The following SLC15A4 variants were observed in gnomAD, a reference collection of about 807,000 sequenced individuals.
The protein encoded by SLC15A4 is hPHT1.
A neutral mutation model predicts 46.1 loss-of-function variants in SLC15A4; 26 were observed. The observed-to-expected ratio is 0.56, with a 90% CI of 0.41 to 0.78. SLC15A4 has a LOEUF of 0.78. Among genes scored for constraint, SLC15A4 ranks in the 30% least tolerant of loss-of-function variants. SLC15A4 has a pLI of 0.00. For missense variants in SLC15A4, 751 were observed against 755.7 expected, an observed-to-expected ratio of 0.99 and a Z score of 0.07; for synonymous variants, 370 against 333.4, an observed-to-expected ratio of 1.11 and a Z score of -1.20.
At position 128,815,060 on chromosome 12, in the gene SLC15A4, C is replaced by G. The variant is rs1332845675; in HGVS notation, c.557G>C (p.Arg186Pro). Reference protein sequence around the residue: ...TPFGADQVKDRGPEATRRFFN... With the variant: ...TPFGADQVKDPGPEATRRFFN... Reference sequence around the variant, plus strand: ...AAATCTCCTAGTGGCTTCCGGACCTCGATCTTTAACCTAAAATAACAGGGA... The same window carrying G: ...AAATCTCCTAGTGGCTTCCGGACCTGGATCTTTAACCTAAAATAACAGGGA... The change falls in exon 2 of 8, where the codon CGA becomes CCA. Residue 186 changes from arginine (R) to proline (P), a missense_variant. Transcript: ENST00000266771. 5 of 1,606,266 alleles carry G rather than the reference C, an allele frequency of 3.1e-6. No homozygotes were observed. Among genetic ancestry groups the G allele is most frequent in the Non-Finnish European group, 4.3e-6 (5 of 1,173,614 alleles).
intron 5 of SLC15A4, among the ~76,000 whole-genome samples, chr12:128,805,657 G>A (rs545631565): frequency 7.7e-4 from 117 of 152,120 alleles, no homozygotes; most frequent in African/African-American, 2.2e-3. Context: ...CTCAGCCTCC[G>A]AGTAGCTGGG....
In SLC15A4 at chr12:128,794,219, C is replaced by T. The variant is rs1429460020; in HGVS notation, c.1711G>A (p.Val571Met). The T allele has an allele frequency of 6.2e-6, 10 of 1,612,348 alleles. No homozygotes were observed. The highest frequency in any genetic ancestry group is 2.2e-5 in the South Asian group (2 of 90,968). The change falls in exon 8 of 8, where the codon GTG becomes ATG. Residue 571 changes from valine to methionine, a missense_variant. By Grantham distance (21) the Val-to-Met change is conservative. Coordinates refer to ENST00000266771, the MANE Select transcript of SLC15A4 (RefSeq NM_145648.4). ...GGTCAGGCCCTCCTGCTGGTGGGCA[C>T]GCCATTGGCTCTTGATCGCTGATGG... ...RDHQRSRANG[V>M]PTSRRA
intron 5 of SLC15A4, among the ~76,000 whole-genome samples, chr12:128,805,435 G>GA: frequency 1.3e-5 from 2 of 152,254 alleles, no homozygotes; most frequent in African/African-American, 4.8e-5. Context: ...ATGAGGAACT[G>GA]AAAATACATA....
intron 1 of SLC15A4, among the ~76,000 whole-genome samples, chr12:128,822,424 C>T (rs1173148925): frequency 1.3e-5 from 2 of 152,254 alleles, no homozygotes; most frequent in African/African-American, 2.4e-5. Flanking sequence ...CTTCCTGGCC[C>T]AGGGCCCTGC....
chr12:128,801,674 C>T (rs988918455), intron 5 of SLC15A4: 1 of 152,174 alleles, frequency 6.6e-6, no homozygotes, highest in African/African-American at 2.4e-5. Flanking sequence ...AGCTCCTACT[C>T]TATAAACAAA....
At chr12:128,795,603 A>T (rs1955434245) in intron 7 of SLC15A4, among the ~76,000 whole-genome samples, 1 of 152,208 alleles carries the variant, frequency 6.6e-6, no homozygotes, top group Admixed American at 6.5e-5. Flanking sequence ...CACGGTCATG[A>T]TCCCCCTTTC....
rs1470186640 is a variant in SLC15A4, at chr12:128,793,999, C to A, written c.*197G>T. The stretch of plus-strand genomic sequence containing the variant: ...GCAGCTCTCCTCCCGGAGGGCCCAG[C>A]GTGCCAGGAGACACGCTGCAGTAAG... On this transcript the variant is annotated 3_prime_UTR_variant, in exon 8 of 8. Coordinates refer to ENST00000266771, the MANE Select transcript of SLC15A4 (RefSeq NM_145648.4). The A allele has an allele frequency of 2.3e-6, 1 of 439,426 alleles. No homozygotes were observed. Among genetic ancestry groups the A allele is most frequent in the Non-Finnish European group, 4.0e-6 (1 of 250,482 alleles). 27.2% of individuals were successfully genotyped at this position (439,426 alleles called of 1,614,324 possible).
At position 128,808,914 on chromosome 12, in the gene SLC15A4, G is replaced by T. The variant is rs1381039518; in HGVS notation, c.1132C>A (p.Leu378Ile). The T allele has an allele frequency of 1.1e-5, 18 of 1,614,204 alleles. No homozygotes were observed. The highest frequency in any genetic ancestry group is 1.4e-5 in the Non-Finnish European group (17 of 1,180,032). The change falls in exon 5 of 8, where the codon CTC becomes ATC. Residue 378 changes from leucine to isoleucine, a missense_variant. Leu to Ile is a conservative substitution (Grantham distance 5). Transcript: ENST00000266771. ...WLTMFDAVLI[L>I]LLIPLKDKLV... ...TTGTCCTTCAGAGGGATGAGCAGGA[G>T]GATGAGCACAGCATCAAACATGGTC...
Position 128,794,233 on chromosome 12 carries a change from G to A in SLC15A4, c.1697C>T (p.Ser566Leu). ...KYDHHRDHQR[S>L]RANGVPTSRR... ...GCTGGTGGGCACGCCATTGGCTCTT[G>A]ATCGCTGATGGTCTCGATGATGGTC... Residue 566 changes from serine to leucine, a missense_variant, in exon 8 of 8, where the codon TCA (serine) becomes TTA (leucine). By Grantham distance (145) the Ser-to-Leu change is moderately radical (BLOSUM62 -2). Transcript: ENST00000266771. 6.2e-7 allele frequency: 1 copy of A among 1,613,878 alleles called. No individual in the cohort carries two copies. Among genetic ancestry groups the A allele is most frequent in the Non-Finnish European group, 8.5e-7 (1 of 1,179,838 alleles).
rs544697553 is a variant in SLC15A4, at chr12:128,793,451, T to C, written c.*745A>G. 3 of 152,314 alleles carry C rather than the reference T, an allele frequency of 2.0e-5. No homozygotes were observed. The highest frequency in any genetic ancestry group is 4.8e-5 in the African/African-American group (2 of 41,578). 9.4% of individuals were successfully genotyped at this position (152,314 alleles called of 1,614,324 possible). A position where few individuals can be genotyped will look rare whatever the true frequency, so the allele number is the denominator to read the frequency against. On this transcript the variant is annotated 3_prime_UTR_variant, in exon 8 of 8. Transcript: ENST00000266771. Reference sequence around the variant, plus strand: ...TCTCAATCGTACCAAAATAAAGCTATATATAAGCACTCTGACTAGGTAAGG... The same window carrying C: ...TCTCAATCGTACCAAAATAAAGCTACATATAAGCACTCTGACTAGGTAAGG...
chr12:128,802,954 C>T (rs74430398), intron 5 of SLC15A4, among the ~76,000 whole-genome samples: 2,705 of 152,256 alleles, frequency 0.018, 43 homozygotes, highest in Non-Finnish European at 0.029. Flanking sequence ...GGCGGAGAGG[C>T]AAAGCCAATG....
intron 1 of SLC15A4, among the ~76,000 whole-genome samples, chr12:128,822,658 T>C (rs1955863072): frequency 6.6e-6 from 1 of 152,098 alleles, no homozygotes; most frequent in South Asian, 2.1e-4. Context: ...TGCAAGCGAT[T>C]CTCCTGCCTC....
In SLC15A4 at chr12:128,818,802, T is replaced by A. The variant is rs558650446; in HGVS notation, c.547-3732A>T. On this transcript the variant is annotated intron_variant, in intron 1 of 7. Coordinates refer to ENST00000266771, the MANE Select transcript of SLC15A4 (RefSeq NM_145648.4). The stretch of plus-strand genomic sequence containing the variant: ...TCTCCTGGCCCGTGGCAACCCTTAA[T>A]CTACTTCCAGTCTCTGTGGACTCGC... Among the ~76,000 whole-genome samples, 18 of 152,284 alleles carry A rather than the reference T, an allele frequency of 1.2e-4. No homozygotes were observed. The South Asian group carries it at 3.5e-3, about 30-fold the overall frequency.
chr12:128,795,721 G>A (rs1036144809), intron 7 of SLC15A4, among the ~76,000 whole-genome samples: 8 of 152,176 alleles, frequency 5.3e-5, no homozygotes, highest in South Asian at 2.1e-4. Flanking sequence ...ACGTGGGAAC[G>A]ACGTGTGAGC....
chr12:128,807,960 A>G (rs1163967020), intron 5 of SLC15A4, among the ~76,000 whole-genome samples: 1 of 152,260 alleles, frequency 6.6e-6, no homozygotes, highest in African/African-American at 2.4e-5. Flanking sequence ...GCATTGTTTG[A>G]GAATATTAAA....
chr12:128,803,825 G>A (rs775493479), intron 5 of SLC15A4, among the ~76,000 whole-genome samples: 2 of 151,460 alleles, frequency 1.3e-5, no homozygotes, highest in Non-Finnish European at 1.5e-5. Context: ...CAACATGTCC[G>A]GGACGACACG....
chr12:128,808,335 A>G (rs1955613797), intron 5 of SLC15A4, among the ~76,000 whole-genome samples: 1 of 152,198 alleles, frequency 6.6e-6, no homozygotes, highest in Non-Finnish European at 1.5e-5. Flanking sequence ...TTGTCACCAG[A>G]AAAATGCACA....
intron 1 of SLC15A4, among the ~76,000 whole-genome samples, chr12:128,819,191 G>A (rs982048679): frequency 2.0e-4 from 31 of 152,156 alleles, no homozygotes; most frequent in African/African-American, 7.0e-4. Context: ...ATCACCTGAG[G>A]TCAGGAGTTC....
chr12:128,801,117 G>T, intron 5 of SLC15A4, 108 bp from the exon 6 acceptor site: 2 of 1,033,704 alleles, frequency 1.9e-6, no homozygotes, highest in Non-Finnish European at 2.8e-6. Context: ...ATTCTGATGC[G>T]TGAAAGGACC....
Sources: allele counts gnomAD v4.1 joint callset (sites outside exome capture counted in the v4.1 genomes callset), GRCh38; gene constraint gnomAD v4.1.1; transcripts MANE v1.5; gene names NCBI Gene and HGNC (gene_info 2026-07-23, HGNC 2026-07-21).